The following CLCN3 variants were observed in gnomAD, a reference collection of about 807,000 sequenced individuals.
The protein encoded by CLCN3 is Cl-/H+ antiporter 3.
A neutral mutation model predicts 83.4 loss-of-function variants in CLCN3; 16 were observed. That is an observed-to-expected ratio of 0.19 (90% CI 0.13 to 0.29). CLCN3 has a LOEUF of 0.29. CLCN3 is among the 10% of genes least tolerant of loss of function. CLCN3 has a pLI of 1.00. For synonymous variants in CLCN3, 322 were observed against 346.2 expected (o/e 0.93, Z 0.78); for missense variants, 544 against 1,006.0 (o/e 0.54, Z 6.21).
intron 2 of CLCN3, among the ~76,000 whole-genome samples, chr4:169,642,231 A>G (rs1730435112): frequency 6.6e-6 from 1 of 151,908 alleles, no homozygotes; most frequent in South Asian, 2.1e-4. Flanking sequence ...ACCATGCCCG[A>G]TTTACCAGTA....
At chr4:169,664,352 A>G (rs888722348) in intron 2 of CLCN3, among the ~76,000 whole-genome samples, 1 of 152,172 alleles carries the variant, frequency 6.6e-6, no homozygotes, top group Non-Finnish European at 1.5e-5. Flanking sequence ...GGTTTCTATT[A>G]TAATAGAGGT....
intron 1 of CLCN3, among the ~76,000 whole-genome samples, chr4:169,634,303 C>T (rs1773452366): frequency 2.0e-5 from 3 of 152,128 alleles, no homozygotes; most frequent in African/African-American, 7.2e-5. Context: ...ATGTATTAAG[C>T]CCTTCTATTC....
chr4:169,690,024 A>T (rs2150248528), intron 5 of CLCN3, among the ~76,000 whole-genome samples: 1 of 152,106 alleles, frequency 6.6e-6, no homozygotes, highest in Middle Eastern at 3.4e-3. Flanking sequence ...TCCTTGGTAT[A>T]TGTAGGCATT....
At chr4:169,664,730 C>A (rs1230376043) in intron 2 of CLCN3, among the ~76,000 whole-genome samples, 2 of 152,150 alleles carry the variant, frequency 1.3e-5, no homozygotes, top group African/African-American at 2.4e-5. Context: ...ATATTACTAC[C>A]TCTAGCTTGA....
At chr4:169,701,378 T>G (rs1732779970) in intron 9 of CLCN3, among the ~76,000 whole-genome samples, 1 of 152,210 alleles carries the variant, frequency 6.6e-6, no homozygotes, top group Non-Finnish European at 1.5e-5. Flanking sequence ...TCAACTGAAG[T>G]CTTGAACCCC....
At chr4:169,672,780 C>T (rs992083461) in intron 2 of CLCN3, among the ~76,000 whole-genome samples, 14 of 152,152 alleles carry the variant, frequency 9.2e-5, no homozygotes, top group African/African-American at 3.4e-4. Flanking sequence ...TCTCCTGCCT[C>T]AGCCTCCTGA....
rs1330626095 is a variant in CLCN3, at chr4:169,722,893, TGCCTG to T, written c.*2899_*2903del. The T allele has an allele frequency of 6.6e-6, 1 of 152,228 alleles. No individual in the cohort carries two copies. The highest frequency in any genetic ancestry group is 1.9e-4 in the East Asian group (1 of 5,206). The allele number at this position is 152,228 out of a possible 1,614,324, so 9.4% of individuals were successfully genotyped here. The stretch of plus-strand genomic sequence containing the variant: ...AATAGTGGAGACCATGAAATTGTTG[TGCCTG>T]GCTAATTGGCAAATTAATTTACCAA... On this transcript the variant is annotated 3_prime_UTR_variant, in exon 13 of 13. Coordinates refer to ENST00000513761, the MANE Select transcript of CLCN3 (RefSeq NM_001829.4).
chr4:169,663,510 A>AT (rs35801757), intron 2 of CLCN3: 38,259 of 244,098 alleles, frequency 0.16, 684 homozygotes, highest in South Asian at 0.24. Context: ...AAAAAACAAA[A>AT]TTTTTTTTTT....
At position 169,723,101 on chromosome 4, in the gene CLCN3, T is replaced by C. The variant is rs1454861571; in HGVS notation, c.*3104T>C. On this transcript the variant is annotated 3_prime_UTR_variant, in exon 13 of 13. Coordinates refer to ENST00000513761, the MANE Select transcript of CLCN3 (RefSeq NM_001829.4). ...TGTATTTATCTGTTTTTATTTATAC[T>C]AGTGTAGTAAAGCTGCATATCATTA... 1 of 152,220 alleles carries C rather than the reference T, an allele frequency of 6.6e-6. No individual in the cohort carries two copies. The highest frequency in any genetic ancestry group is 1.5e-5 in the Non-Finnish European group (1 of 68,042). The allele number at this position is 152,220 out of a possible 1,614,324, so 9.4% of individuals were successfully genotyped here.
chr4:169,649,743 A>T (rs1378572273), intron 2 of CLCN3, among the ~76,000 whole-genome samples: 1 of 152,320 alleles, frequency 6.6e-6, no homozygotes, highest in East Asian at 1.9e-4. Flanking sequence ...TTCAGTTCCC[A>T]GAAATAAAAC....
At chr4:169,638,482 T>C (rs1015043398) in intron 2 of CLCN3, among the ~76,000 whole-genome samples, 1 of 81,208 alleles carries the variant, frequency 1.2e-5, no homozygotes, top group African/African-American at 3.8e-5. Context: ...GCTGTCTTTA[T>C]CACAGATTTT....
At chr4:169,635,860 T>C in intron 1 of CLCN3, 53 bp from the exon 2 acceptor site, 1 of 1,400,928 alleles carries the variant, frequency 7.1e-7, no homozygotes, top group Non-Finnish European at 9.5e-7. Context: ...TTAAACTAGA[T>C]GATTTTTATT....
Position 169,716,153 on chromosome 4 carries a change from G to A in CLCN3, c.2366+2858G>A, listed in dbSNP as rs190636477. Reference sequence around the variant, plus strand: ...ATGTTTTATATGAGCCACATTTTGCGTTGATTTTCCTTCCACTCTGTAAAA... The same window carrying A: ...ATGTTTTATATGAGCCACATTTTGCATTGATTTTCCTTCCACTCTGTAAAA... On this transcript the variant is annotated intron_variant, in intron 12 of 12. Transcript: ENST00000513761. Among the ~76,000 whole-genome samples, 156 of 152,156 alleles carry A rather than the reference G, an allele frequency of 1.0e-3. 2 individuals carry two copies. The highest frequency in any genetic ancestry group is 3.6e-3 in the African/African-American group (150 of 41,528).
Position 169,691,899 on chromosome 4 carries a change from C to G in CLCN3, c.730-215C>G, listed in dbSNP as rs1732388557. On this transcript the variant is annotated intron_variant, in intron 6 of 12. Coordinates refer to ENST00000513761, the MANE Select transcript of CLCN3 (RefSeq NM_001829.4). Reference sequence around the variant, plus strand: ...ATTTTGTTCCTGAGATAGTGTTGCCCTCTCTCCTTTCTTGGGTAGAGAATT... The same window carrying G: ...ATTTTGTTCCTGAGATAGTGTTGCCGTCTCTCCTTTCTTGGGTAGAGAATT... Among the ~76,000 whole-genome samples the G allele has an allele frequency of 2.0e-5, 3 of 152,160 alleles. No individual in the cohort carries two copies. In the South Asian group the frequency reaches 6.2e-4, roughly 32 times the overall value.
intron 6 of CLCN3, 89 bp downstream of exon 6, chr4:169,690,741 G>T: frequency 7.9e-6 from 10 of 1,267,952 alleles, no homozygotes; most frequent in Non-Finnish European, 1.1e-5. Context: ...CTTTTCTGGA[G>T]GGAGGGGATA....
At position 169,641,729 on chromosome 4, in the gene CLCN3, G is replaced by A. The variant is rs1730418589; in HGVS notation, c.160+5641G>A. ...AAGCTGAGTGGCCATCTCTTAGTGTGAAGACACCTCCTAGAGTGAGGGTAC... is the reference window on the plus strand; with the variant it reads ...AAGCTGAGTGGCCATCTCTTAGTGTAAAGACACCTCCTAGAGTGAGGGTAC... On this transcript the variant is annotated intron_variant, in intron 2 of 12. Transcript: ENST00000513761. Among the ~76,000 whole-genome samples the A allele has an allele frequency of 4.6e-5, 7 of 152,308 alleles. No individual in the cohort carries two copies. The South Asian group carries it at 1.5e-3, about 32-fold the overall frequency.
intron 2 of CLCN3, among the ~76,000 whole-genome samples, chr4:169,646,758 A>C (rs1730585795): frequency 6.6e-6 from 1 of 152,224 alleles, no homozygotes; most frequent in Admixed American, 6.5e-5. Flanking sequence ...CCAGAAGGAA[A>C]TAGGGATAGA....
At chr4:169,629,754 GCAGA>G (rs1773324285) in intron 1 of CLCN3, among the ~76,000 whole-genome samples, 1 of 152,168 alleles carries the variant, frequency 6.6e-6, no homozygotes, top group Admixed American at 6.5e-5. Context: ...TTCTACAATG[GCAGA>G]CAGATATTAA....
At chr4:169,649,198 G>A (rs1730663584) in intron 2 of CLCN3, among the ~76,000 whole-genome samples, 1 of 152,116 alleles carries the variant, frequency 6.6e-6, no homozygotes, top group Non-Finnish European at 1.5e-5. Flanking sequence ...GCAGAGGGAA[G>A]GAACTTGGAG....
Sources: allele counts gnomAD v4.1 joint callset (sites outside exome capture counted in the v4.1 genomes callset), GRCh38; gene constraint gnomAD v4.1.1; transcripts MANE v1.5; gene names NCBI Gene and HGNC (gene_info 2026-07-23, HGNC 2026-07-21).